The following SLC30A7 variants were observed in gnomAD, a reference collection of about 807,000 sequenced individuals.
SLC30A7 encodes zinc transporter 7.
SLC30A7 carries 35 observed loss-of-function variants against 46.0 expected under a neutral mutation model. The ratio of observed to expected loss-of-function variants is 0.76; its 90% confidence interval spans 0.58 to 1.01. The LOEUF is 1.01. Ranked by LOEUF, SLC30A7 falls within the 50% of genes least tolerant of loss-of-function variation. The pLI, the probability that SLC30A7 is intolerant of heterozygous loss-of-function variation, is 0.00. For synonymous variants in SLC30A7, 147 were observed against 157.8 expected (o/e 0.93, Z 0.51); for missense variants, 464 against 451.1 (o/e 1.03, Z -0.26).
chr1:100,983,390 A>C (rs1341107414), downstream of SLC30A7, among the ~76,000 whole-genome samples: 3 of 112,368 alleles, frequency 2.7e-5, no homozygotes, highest in African/African-American at 8.9e-5. Flanking sequence ...AAAAAAAAAA[A>C]CAAAACAAAA....
intron 3 of SLC30A7, among the ~76,000 whole-genome samples, chr1:100,907,689 T>G (rs141230999): frequency 6.6e-6 from 1 of 152,110 alleles, no homozygotes; most frequent in African/African-American, 2.4e-5. Context: ...TACTAATTCT[T>G]CCCCTCTGTC....
chr1:100,925,291 A>C (rs1231863573), intron 8 of SLC30A7, among the ~76,000 whole-genome samples: 1 of 152,256 alleles, frequency 6.6e-6, no homozygotes, highest in Non-Finnish European at 1.5e-5. Context: ...GGTTTGAGAT[A>C]AAGTTGGAGA....
chr1:100,949,908 T>A (rs969870377), intron 8 of SLC30A7, among the ~76,000 whole-genome samples: 2 of 152,162 alleles, frequency 1.3e-5, no homozygotes, highest in Non-Finnish European at 2.9e-5. Context: ...TTTTCCCAGG[T>A]ACAGTCTGTC....
intron 8 of SLC30A7, among the ~76,000 whole-genome samples, chr1:100,922,200 A>G (rs1652980480): frequency 6.6e-6 from 1 of 152,102 alleles, no homozygotes; most frequent in Non-Finnish European, 1.5e-5. Context: ...TCTTGACCTC[A>G]GGTGATCCAC....
At chr1:100,911,257 A>G (rs1434230951) in intron 4 of SLC30A7, 107 bp downstream of exon 4, 4 of 737,874 alleles carry the variant, frequency 5.4e-6, no homozygotes, top group African/African-American at 5.4e-5. Flanking sequence ...AATATTGTGG[A>G]CAATCTTAGA....
intron 4 of SLC30A7, among the ~76,000 whole-genome samples, chr1:100,911,831 T>G (rs758197413): frequency 5.9e-5 from 9 of 152,124 alleles, no homozygotes; most frequent in Non-Finnish European, 1.3e-4. Context: ...AGATTACAAG[T>G]GTGAGCCATG....
chr1:100,927,491 A>AT (rs1653380481), intron 8 of SLC30A7, among the ~76,000 whole-genome samples: 1 of 152,120 alleles, frequency 6.6e-6, no homozygotes, highest in Non-Finnish European at 1.5e-5. Flanking sequence ...AGGGGAGGAA[A>AT]TGGAGATAGC....
chr1:100,946,081 CTCTT>C (rs1168174308), intron 8 of SLC30A7, among the ~76,000 whole-genome samples: 1 of 152,150 alleles, frequency 6.6e-6, no homozygotes, highest in African/African-American at 2.4e-5. Flanking sequence ...ATTTGGCTCT[CTCTT>C]TGTCTGTTAT....
intron 10 of SLC30A7, among the ~76,000 whole-genome samples, chr1:100,969,666 TGAA>T (rs1656049506): frequency 1.3e-5 from 2 of 152,216 alleles, no homozygotes; most frequent in Non-Finnish European, 2.9e-5. Context: ...TTTTAAGCCC[TGAA>T]AAAATATTTT....
At chr1:100,904,365 A>T (rs1651505841) in intron 2 of SLC30A7, among the ~76,000 whole-genome samples, 1 of 152,002 alleles carries the variant, frequency 6.6e-6, no homozygotes, top group Admixed American at 6.6e-5. Flanking sequence ...TTTCCATTTG[A>T]TTGTTTTTTA....
chr1:100,985,984 A>G (rs1260944601), downstream of SLC30A7, among the ~76,000 whole-genome samples: 1 of 152,248 alleles, frequency 6.6e-6, no homozygotes, highest in Admixed American at 6.5e-5. Flanking sequence ...ATATGGAAAC[A>G]ATCCAATTTA....
At chr1:100,950,672 T>A (rs1164954539) in intron 8 of SLC30A7, among the ~76,000 whole-genome samples, 2 of 152,214 alleles carry the variant, frequency 1.3e-5, no homozygotes, top group Admixed American at 1.3e-4. Flanking sequence ...AAAAATCAGC[T>A]TCTCCTAAAA....
chr1:100,995,724 A>G, the SLC30A7 span: 1 of 152,450 alleles, frequency 6.6e-6, no homozygotes, highest in African/African-American at 2.4e-5. Flanking sequence ...TGCTCTCTAG[A>G]AGCTTGACAG....
At chr1:100,992,209 T>C in the SLC30A7 span, among the ~76,000 whole-genome samples, 4 of 152,154 alleles carry the variant, frequency 2.6e-5, no homozygotes, top group Non-Finnish European at 5.9e-5. Context: ...TTCTCTTATA[T>C]TTACCCTGAA....
chr1:100,959,374 T>C (rs957602147), intron 8 of SLC30A7, among the ~76,000 whole-genome samples: 7 of 152,232 alleles, frequency 4.6e-5, no homozygotes, highest in African/African-American at 1.7e-4. Flanking sequence ...TATTATCTTA[T>C]ACGTTCTGTG....
the SLC30A7 span, chr1:100,995,170 T>C: frequency 6.6e-7 from 1 of 1,521,224 alleles, no homozygotes; most frequent in South Asian, 1.1e-5. Flanking sequence ...TAAAAATAGT[T>C]CTTTTAATTT....
At position 100,979,213 on chromosome 1, in the gene SLC30A7, T is replaced by A. The variant is rs775464322; in HGVS notation, c.*4356T>A. The A allele has an allele frequency of 6.6e-6, 1 of 152,058 alleles. No homozygotes were observed. The highest frequency in any genetic ancestry group is 6.6e-5 in the Admixed American group (1 of 15,262). 9.4% of individuals were successfully genotyped at this position (152,058 alleles called of 1,614,324 possible). ...TAACTCTTCATGAAAGCATTACCTT[T>A]GGAAAGTTAAACTTTTTTTTTCCTT... On this transcript the variant is annotated 3_prime_UTR_variant, in exon 11 of 11. Transcript: ENST00000357650.
At chr1:100,953,983 G>A (rs771081083) in intron 8 of SLC30A7, among the ~76,000 whole-genome samples, 10 of 152,112 alleles carry the variant, frequency 6.6e-5, no homozygotes, top group Non-Finnish European at 1.3e-4. Context: ...GACTGAATTG[G>A]GAGGCTCTTC....
chr1:100,958,669 C>A (rs989587164), intron 8 of SLC30A7, among the ~76,000 whole-genome samples: 3 of 152,140 alleles, frequency 2.0e-5, no homozygotes, highest in African/African-American at 7.2e-5. Flanking sequence ...TGATCCCTAG[C>A]CTTAGATATA....
Sources: allele counts gnomAD v4.1 joint callset (sites outside exome capture counted in the v4.1 genomes callset), GRCh38; gene constraint gnomAD v4.1.1; transcripts MANE v1.5; gene names NCBI Gene and HGNC (gene_info 2026-07-23, HGNC 2026-07-21).